ANKFN1: variants seen among roughly 807,000 people sequenced by gnomAD.
ANKFN1 encodes the protein ankyrin repeat and fibronectin type III domain containing 1.
ANKFN1 carries 74 observed loss-of-function variants against 108.7 expected under a neutral mutation model. The ratio of observed to expected loss-of-function variants is 0.68; its 90% confidence interval spans 0.56 to 0.83. The LOEUF (loss-of-function observed/expected upper bound fraction) is 0.83. Ranked by LOEUF, ANKFN1 falls within the 40% of genes least tolerant of loss-of-function variation. ANKFN1 has a pLI of 0.00. For synonymous variants in ANKFN1, 547 were observed against 516.2 expected, an observed-to-expected ratio of 1.06 and a Z score of -0.81; for missense variants, 1,505 against 1,382.3, an observed-to-expected ratio of 1.09 and a Z score of -1.41.
chr17:56,325,139 T>C (rs934212708), intron 3 of ANKFN1, among the ~76,000 whole-genome samples: 2 of 152,172 alleles, frequency 1.3e-5, no homozygotes, highest in Non-Finnish European at 2.9e-5. Context: ...AACAGACTAG[T>C]CAGTGCCTAG....
intron 8 of ANKFN1, among the ~76,000 whole-genome samples, chr17:56,428,399 T>G (rs891290830): frequency 3.9e-5 from 6 of 151,994 alleles, no homozygotes; most frequent in Non-Finnish European, 7.4e-5. Flanking sequence ...TCACCTTTTG[T>G]GACATTAATT....
chr17:56,482,360 G>T lies in ANKFN1; in HGVS notation c.2096G>T (p.Arg699Met). 1 of 1,597,206 alleles carries T rather than the reference G, an allele frequency of 6.3e-7. No homozygotes were observed. Among genetic ancestry groups the T allele is most frequent in the South Asian group, 1.1e-5 (1 of 87,648 alleles). ...QQINIPLHQA[R>M]NFRLYTQEVL... ...TCCGCGCGTGTCCCTCTGCAGGCAA[G>T]GAACTTCCGCCTCTACACACAGGAG... is the stretch of plus-strand genomic sequence containing the variant. The change falls in exon 18 of 21, where the codon AGG (arginine) becomes ATG (methionine). Residue 699 changes from arginine (R) to methionine (M), a missense_variant. Physicochemically the swap from Arg to Met is moderately conservative, Grantham distance 91. Transcript: ENST00000682825.
At chr17:56,199,312 T>C (rs916948984) in intron 1 of ANKFN1, among the ~76,000 whole-genome samples, 1 of 151,738 alleles carries the variant, frequency 6.6e-6, no homozygotes, top group Non-Finnish European at 1.5e-5. Flanking sequence ...GTTTATTTCA[T>C]ACTTTATGAC....
intron 15 of ANKFN1, chr17:56,472,504 C>T (rs1223569319): frequency 6.6e-6 from 1 of 152,136 alleles, no homozygotes; most frequent in Non-Finnish European, 1.5e-5. Flanking sequence ...ATATTTTCTC[C>T]CTGAAGACCA....
chr17:56,330,791 G>C (rs2045641662), intron 4 of ANKFN1, among the ~76,000 whole-genome samples: 1 of 152,278 alleles, frequency 6.6e-6, no homozygotes, highest in Non-Finnish European at 1.5e-5. Flanking sequence ...TCATCCATAA[G>C]TATTTGTTGA....
chr17:56,407,496 G>A (rs148377186), intron 8 of ANKFN1, among the ~76,000 whole-genome samples: 1 of 152,324 alleles, frequency 6.6e-6, no homozygotes, highest in Non-Finnish European at 1.5e-5. Context: ...TTTCTCTGAA[G>A]TGTGTGCTCA....
chr17:56,390,843 T>C (rs2047406074), intron 8 of ANKFN1, among the ~76,000 whole-genome samples: 1 of 152,158 alleles, frequency 6.6e-6, no homozygotes, highest in Non-Finnish European at 1.5e-5. Context: ...CATAAATGTC[T>C]TCAGAGAAGC....
At chr17:56,085,863 G>A (rs764977897) in intron 4 of ANKFN1, among the ~76,000 whole-genome samples, 37 of 151,316 alleles carry the variant, frequency 2.4e-4, no homozygotes, top group Non-Finnish European at 3.7e-4. Flanking sequence ...TTGTAAGCAG[G>A]CTGTGATGAA....
At chr17:56,120,898 C>G (rs1906574576) in intron 4 of ANKFN1, among the ~76,000 whole-genome samples, 1 of 152,160 alleles carries the variant, frequency 6.6e-6, no homozygotes, top group Non-Finnish European at 1.5e-5. Flanking sequence ...ACCCTTGCCC[C>G]ATACCACCAA....
rs76074789 is a variant in ANKFN1 at position 56,423,163 on chromosome 17, G to A, written c.911-17164G>A. On this transcript the variant is annotated intron_variant, in intron 8 of 20. Coordinates refer to ENST00000682825, the MANE Select transcript of ANKFN1 (RefSeq NM_001370326.1). Reference sequence around the variant, plus strand: ...AAGGGAAATCTAGGTTATTTGTTCAGTGTTGATAGTGAATGAGCTGAGCAG... The same window carrying A: ...AAGGGAAATCTAGGTTATTTGTTCAATGTTGATAGTGAATGAGCTGAGCAG... Among the ~76,000 whole-genome samples the A allele has an allele frequency of 2.1e-3, 326 of 152,344 alleles. 1 individual carries two copies. Among genetic ancestry groups the A allele is most frequent in the African/African-American group, 7.4e-3 (308 of 41,582 alleles).
At chr17:56,243,893 T>C (rs1392233819) in intron 3 of ANKFN1, among the ~76,000 whole-genome samples, 1 of 152,178 alleles carries the variant, frequency 6.6e-6, no homozygotes, top group Admixed American at 6.6e-5. Context: ...GTAATTATCA[T>C]GTTCTGTAGT....
chr17:56,048,563 A>G (rs1429384805), intron 4 of ANKFN1, among the ~76,000 whole-genome samples: 2 of 152,116 alleles, frequency 1.3e-5, no homozygotes, highest in Non-Finnish European at 2.9e-5. Flanking sequence ...TAGTGAGCCA[A>G]GCATTCTTGT....
At chr17:56,489,545 T>G (rs2050965340) in intron 18 of ANKFN1, among the ~76,000 whole-genome samples, 1 of 151,582 alleles carries the variant, frequency 6.6e-6, no homozygotes, top group South Asian at 2.1e-4. Flanking sequence ...GCATGGACAG[T>G]GTGGGTGCTG....
At chr17:56,197,583 G>A (rs957039776) in intron 1 of ANKFN1, among the ~76,000 whole-genome samples, 1 of 152,122 alleles carries the variant, frequency 6.6e-6, no homozygotes, top group African/African-American at 2.4e-5. Flanking sequence ...ACTTTAGTTA[G>A]GCTCCTGGCG....
intron 1 of ANKFN1, among the ~76,000 whole-genome samples, chr17:56,183,213 C>CGAAA (rs1401935699): frequency 6.6e-6 from 1 of 152,086 alleles, no homozygotes; most frequent in Non-Finnish European, 1.5e-5. Flanking sequence ...GAGTACATTT[C>CGAAA]ATAAGGTTAT....
chr17:56,460,548 C>T (rs2049866855), intron 14 of ANKFN1, among the ~76,000 whole-genome samples: 1 of 152,100 alleles, frequency 6.6e-6, no homozygotes, highest in Admixed American at 6.5e-5. Context: ...TCCTTCACAT[C>T]TCAGGTGATG....
intron 3 of ANKFN1, among the ~76,000 whole-genome samples, chr17:56,308,760 G>A (rs984478493): frequency 2.0e-5 from 3 of 151,952 alleles, no homozygotes; most frequent in Admixed American, 6.6e-5. Context: ...TTTTCTGAGC[G>A]TTATTGTCAT....
At chr17:56,408,722 G>GCTACACC (rs2047996736) in intron 8 of ANKFN1, among the ~76,000 whole-genome samples, 1 of 152,076 alleles carries the variant, frequency 6.6e-6, no homozygotes. Context: ...TCTGTGATGT[G>GCTACACC]AGCATCCTTC....
At chr17:56,497,029 T>C (rs2051221602) in intron 19 of ANKFN1, among the ~76,000 whole-genome samples, 1 of 152,088 alleles carries the variant, frequency 6.6e-6, no homozygotes, top group Non-Finnish European at 1.5e-5. Context: ...TCTGCAAAGC[T>C]GAAAGCAAAA....
Sources: allele counts gnomAD v4.1 joint callset (sites outside exome capture counted in the v4.1 genomes callset), GRCh38; gene constraint gnomAD v4.1.1; transcripts MANE v1.5; gene names NCBI Gene and HGNC (gene_info 2026-07-23, HGNC 2026-07-21).